The following GABRG3 variants were observed in gnomAD, a reference collection of about 807,000 sequenced individuals.
GABRG3 encodes gamma-aminobutyric acid type A receptor subunit gamma3, also known as gamma-aminobutyric acid receptor subunit gamma-3.
Under a neutral mutation model 48.8 loss-of-function variants are expected in GABRG3, and 25 were observed. The observed-to-expected ratio is 0.51, with a 90% CI of 0.37 to 0.72. GABRG3 has a LOEUF of 0.72. Among genes scored for constraint, GABRG3 ranks in the 30% least tolerant of loss-of-function variants. The probability of loss-of-function intolerance (pLI) is 0.00; values close to 1 mark genes in which losing one functional copy is unlikely to be tolerated. For synonymous variants in GABRG3, 227 were observed against 217.6 expected, an observed-to-expected ratio of 1.04 and a Z score of -0.38; for missense variants, 394 against 577.9, an observed-to-expected ratio of 0.68 and a Z score of 3.26.
chr15:27,499,909 C>A (rs1448377563), intron 6 of GABRG3, among the ~76,000 whole-genome samples: 1 of 152,180 alleles, frequency 6.6e-6, no homozygotes, highest in Non-Finnish European at 1.5e-5. Context: ...CAAAGGCTGC[C>A]TCGGACCTGG....
intron 5 of GABRG3, among the ~76,000 whole-genome samples, chr15:27,353,630 G>C (rs1894724834): frequency 6.6e-6 from 1 of 151,926 alleles, no homozygotes; most frequent in Admixed American, 6.6e-5. Flanking sequence ...TTTTATTAGA[G>C]ATAGGGTTTT....
intron 5 of GABRG3, among the ~76,000 whole-genome samples, chr15:27,402,490 A>T (rs1456246644): frequency 6.6e-6 from 1 of 152,200 alleles, no homozygotes; most frequent in East Asian, 1.9e-4. Context: ...AGGCCCACCA[A>T]GGGGTCAGCC....
intron 2 of GABRG3, among the ~76,000 whole-genome samples, chr15:26,989,770 C>T (rs1317877614): frequency 6.6e-6 from 1 of 152,128 alleles, no homozygotes; most frequent in Non-Finnish European, 1.5e-5. Context: ...TCCCCACCTT[C>T]CCCTCCTCCT....
At chr15:27,361,845 C>T (rs886540678) in intron 5 of GABRG3, among the ~76,000 whole-genome samples, 3 of 152,194 alleles carry the variant, frequency 2.0e-5, no homozygotes, top group African/African-American at 7.2e-5. Flanking sequence ...CCCATTAGGT[C>T]TGTAATTCCA....
At chr15:27,356,476 T>C (rs181777694) in intron 5 of GABRG3, among the ~76,000 whole-genome samples, 1 of 152,268 alleles carries the variant, frequency 6.6e-6, no homozygotes, top group Admixed American at 6.5e-5. Flanking sequence ...TCGGCTCTTC[T>C]CTTCAGACTA....
At chr15:27,041,945 C>A (rs920554736) in intron 3 of GABRG3, among the ~76,000 whole-genome samples, 1 of 152,142 alleles carries the variant, frequency 6.6e-6, no homozygotes, top group African/African-American at 2.4e-5. Flanking sequence ...GGTCTTCATG[C>A]AGATGAAGGA....
intron 3 of GABRG3, among the ~76,000 whole-genome samples, chr15:27,101,451 A>G (rs1204822192): frequency 6.6e-6 from 1 of 152,196 alleles, no homozygotes. Context: ...GAAAATTTTC[A>G]CAGAACAGTA....
rs376827779 is a variant in GABRG3, at chr15:26,973,308, C to G, written c.53+1720C>G. On this transcript the variant is annotated intron_variant, in intron 1 of 9. Transcript: ENST00000615808. The stretch of plus-strand genomic sequence containing the variant: ...TGGGATTCTTCATCCTTCCATTCTA[C>G]TAAGACAGACATAATGATTTTCATT... 2.7e-3 allele frequency among the ~76,000 whole-genome samples: 415 copies of G among 152,332 alleles called. 2 individuals are homozygous for G. The highest frequency in any genetic ancestry group is 9.4e-3 in the African/African-American group (391 of 41,582).
At chr15:27,191,020 A>G (rs1178044512) in intron 3 of GABRG3, among the ~76,000 whole-genome samples, 1 of 152,120 alleles carries the variant, frequency 6.6e-6, no homozygotes, top group Non-Finnish European at 1.5e-5. Context: ...TTCAGTTTCC[A>G]TGTAGTTGAG....
chr15:27,193,263 C>T (rs2140424023), intron 3 of GABRG3, among the ~76,000 whole-genome samples: 1 of 152,282 alleles, frequency 6.6e-6, no homozygotes, highest in East Asian at 1.9e-4. Context: ...CAGACAGGGA[C>T]ATTTAAGTCT....
intron 5 of GABRG3, among the ~76,000 whole-genome samples, chr15:27,393,278 A>G (rs1887199219): frequency 6.7e-6 from 1 of 150,274 alleles, no homozygotes; most frequent in African/African-American, 2.5e-5. Flanking sequence ...CGGGAGGTGG[A>G]GCTTGCAGTG....
chr15:27,352,827 T>A lies in GABRG3; in HGVS notation c.574+23939T>A, dbSNP rs1028311706. On this transcript the variant is annotated intron_variant, in intron 5 of 9. Transcript: ENST00000615808. The surrounding 1 kb of genome is among the most constrained non-coding windows in gnomAD (Gnocchi z 4.0). ...TATGGGGCCCAGGTATAGCAACACCTAACTCATAGGACTATGGGGGGCGTA... is the reference window on the plus strand; with the variant it reads ...TATGGGGCCCAGGTATAGCAACACCAAACTCATAGGACTATGGGGGGCGTA... Among the ~76,000 whole-genome samples the A allele has an allele frequency of 6.6e-6, 1 of 152,118 alleles. No individual in the cohort carries two copies. The highest frequency in any genetic ancestry group is 1.5e-5 in the Non-Finnish European group (1 of 68,018).
chr15:27,241,356 C>A (rs778000652), intron 3 of GABRG3, among the ~76,000 whole-genome samples: 1 of 152,148 alleles, frequency 6.6e-6, no homozygotes, highest in South Asian at 2.1e-4. Flanking sequence ...TTTTAATTGA[C>A]CAAGTTTAGA....
intron 3 of GABRG3, among the ~76,000 whole-genome samples, chr15:27,270,898 G>A (rs1182456560): frequency 1.3e-5 from 2 of 152,184 alleles, no homozygotes; most frequent in Non-Finnish European, 2.9e-5. Flanking sequence ...AAAAGGTGAT[G>A]CACCATGATT....
intron 3 of GABRG3, among the ~76,000 whole-genome samples, chr15:27,303,113 G>A (rs755833814): frequency 2.0e-5 from 3 of 151,338 alleles, no homozygotes; most frequent in Non-Finnish European, 4.4e-5. Context: ...CCAAATTAAG[G>A]AAATAATAAA....
Position 27,228,268 on chromosome 15 carries a change from G to A in GABRG3, c.271-98541G>A, listed in dbSNP as rs111946283. ...ATCTGTTGTTTCCTTCTTCATGTTC[G>A]TGAGTTCTCATCATTTAGCTCCCAC... On this transcript the variant is annotated intron_variant, in intron 3 of 9. Coordinates refer to ENST00000615808, the MANE Select transcript of GABRG3 (RefSeq NM_033223.5). Among the ~76,000 whole-genome samples, 422 of 152,102 alleles carry A rather than the reference G, an allele frequency of 2.8e-3. 2 individuals carry two copies. The highest frequency in any genetic ancestry group is 9.7e-3 in the African/African-American group (404 of 41,488).
At chr15:27,189,758 CTA>C (rs1888230937) in intron 3 of GABRG3, among the ~76,000 whole-genome samples, 1 of 152,178 alleles carries the variant, frequency 6.6e-6, no homozygotes, top group African/African-American at 2.4e-5. Flanking sequence ...AGTTCCAACA[CTA>C]TGTTGAATAG....
intron 3 of GABRG3, among the ~76,000 whole-genome samples, chr15:27,096,934 A>C (rs929789467): frequency 2.1e-5 from 3 of 145,518 alleles, no homozygotes; most frequent in African/African-American, 7.7e-5. Context: ...TCCACCTCCT[A>C]GGTTCAAGCA....
chr15:27,215,427 A>G (rs1889216319), intron 3 of GABRG3, among the ~76,000 whole-genome samples: 1 of 152,164 alleles, frequency 6.6e-6, no homozygotes, highest in Non-Finnish European at 1.5e-5. Flanking sequence ...GCTCTCCCAG[A>G]TGCACCCCAT....
Sources: allele counts gnomAD v4.1 joint callset (sites outside exome capture counted in the v4.1 genomes callset), GRCh38; gene constraint gnomAD v4.1.1; non-coding constraint Gnocchi (gnomAD v3.1); transcripts MANE v1.5; gene names NCBI Gene and HGNC (gene_info 2026-07-23, HGNC 2026-07-21).